Variants in CLNK observed in about 807,000 individuals in gnomAD.
CLNK encodes the protein cytokine-dependent hematopoietic cell linker.
In CLNK, 74 loss-of-function variants were observed where a neutral mutation model predicts 68.6. The ratio of observed to expected loss-of-function variants is 1.08; its 90% CI spans 0.89 to 1.31. The LOEUF is 1.31. Among genes scored for constraint, CLNK ranks in the 50% most tolerant of loss-of-function variants. The pLI, the probability that CLNK is intolerant of heterozygous loss-of-function variation, is 0.00. For missense variants in CLNK, 553 were observed against 515.3 expected, an observed-to-expected ratio of 1.07 and a Z score of -0.71; for synonymous variants, 198 against 172.2, an observed-to-expected ratio of 1.15 and a Z score of -1.17.
chr4:10,587,728 G>T (rs746887090), intron 3 of CLNK, among the ~76,000 whole-genome samples: 11 of 152,126 alleles, frequency 7.2e-5, no homozygotes, highest in Non-Finnish European at 1.5e-4. Context: ...AGGAAATAGG[G>T]TATTCAGAGG....
intron 2 of CLNK, among the ~76,000 whole-genome samples, chr4:10,617,610 A>G (rs1445179794): frequency 6.6e-6 from 1 of 152,248 alleles, no homozygotes; most frequent in African/African-American, 2.4e-5. Context: ...TGCTCAGAAC[A>G]TTAAAAATAA....
intron 13 of CLNK, among the ~76,000 whole-genome samples, 153 bp from the exon 14 acceptor site, chr4:10,526,075 A>G (rs1718307049): frequency 6.6e-6 from 1 of 152,206 alleles, no homozygotes; most frequent in South Asian, 2.1e-4. Context: ...TAACTCATGT[A>G]TTCTACGGCT....
upstream of CLNK, among the ~76,000 whole-genome samples, chr4:10,686,449 T>C: frequency 6.6e-6 from 1 of 151,786 alleles, no homozygotes; most frequent in Admixed American, 6.6e-5. Flanking sequence ...TCTAAGATTA[T>C]CACACTCATG....
At chr4:10,599,277 T>C (rs545184782) in intron 2 of CLNK, among the ~76,000 whole-genome samples, 71 of 152,308 alleles carry the variant, frequency 4.7e-4, no homozygotes, top group African/African-American at 1.6e-3. Context: ...CAGGAAATAC[T>C]TTATGATGAC....
chr4:10,729,521 G>A, the CLNK span, among the ~76,000 whole-genome samples: 3 of 152,066 alleles, frequency 2.0e-5, no homozygotes, highest in African/African-American at 7.2e-5. Flanking sequence ...TGTCCATCAA[G>A]GGATAAATAA....
At chr4:10,611,059 C>T (rs1461899212) in intron 2 of CLNK, among the ~76,000 whole-genome samples, 1 of 152,102 alleles carries the variant, frequency 6.6e-6, no homozygotes, top group African/African-American at 2.4e-5. Context: ...GTGGCTCACG[C>T]CTGTAATCCC....
the CLNK span, among the ~76,000 whole-genome samples, chr4:10,703,232 C>T: frequency 2.0e-5 from 3 of 152,128 alleles, no homozygotes; most frequent in African/African-American, 4.8e-5. Flanking sequence ...ACTACACTAA[C>T]GTAGTTATGA....
intron 11 of CLNK, among the ~76,000 whole-genome samples, chr4:10,539,178 T>G (rs1171364568): frequency 6.6e-6 from 1 of 152,212 alleles, no homozygotes; most frequent in East Asian, 1.9e-4. Flanking sequence ...GAGCCTCTAT[T>G]CCTTCCCATG....
At chr4:10,507,556 C>T (rs1195144212) in intron 17 of CLNK, among the ~76,000 whole-genome samples, 1 of 152,042 alleles carries the variant, frequency 6.6e-6, no homozygotes, top group African/African-American at 2.4e-5. Context: ...CTCCGCCTCC[C>T]AGGTTCAAGT....
chr4:10,601,450 G>A (rs1721588427), intron 2 of CLNK, among the ~76,000 whole-genome samples: 1 of 152,178 alleles, frequency 6.6e-6, no homozygotes, highest in Admixed American at 6.5e-5. Flanking sequence ...CTTACAAAGA[G>A]CAACAAGCAT....
In CLNK at chr4:10,501,344, AAC is replaced by A; in HGVS notation, c.1050_1051del (p.Phe351LeufsTer2). On this transcript the variant is annotated frameshift_variant, in exon 18 of 19. Transcript: ENST00000226951. LOFTEE classifies it high-confidence loss of function. Reference sequence around the variant, plus strand: ...TACATTGTAGACTTTGTTCTCATAAAACACAGCCAAAACATAGGGCTCTTCCT... The same window carrying A: ...TACATTGTAGACTTTGTTCTCATAAAACAGCCAAAACATAGGGCTCTTCCT... The A allele has an allele frequency of 6.2e-7, 1 of 1,609,846 alleles. No homozygotes were observed. The highest frequency in any genetic ancestry group is 8.5e-7 in the Non-Finnish European group (1 of 1,178,822).
intron 4 of CLNK, among the ~76,000 whole-genome samples, chr4:10,581,587 T>C: frequency 6.6e-6 from 1 of 152,196 alleles, no homozygotes; most frequent in East Asian, 1.9e-4. Flanking sequence ...TGTTCTCTAG[T>C]TCTTAATTTC....
Position 10,542,002 on chromosome 4 carries a change from G to T in CLNK, c.491+20C>A, listed in dbSNP as rs772448170. On this transcript the variant is annotated intron_variant, in intron 10 of 18. Coordinates refer to ENST00000226951, the MANE Select transcript of CLNK (RefSeq NM_052964.4). ...ATTTCATTGTATAGCGAAAAAAAAT[G>T]CTATTTTAAAGTGTTTTACCGAGGA... is the stretch of plus-strand genomic sequence containing the variant. 1 of 1,533,082 alleles carries T rather than the reference G, an allele frequency of 6.5e-7. No homozygotes were observed. Among genetic ancestry groups the T allele is most frequent in the East Asian group, 2.3e-5 (1 of 43,742 alleles). 95.0% of individuals were successfully genotyped at this position (1,533,082 alleles called of 1,614,324 possible).
At chr4:10,719,616 G>A in the CLNK span, among the ~76,000 whole-genome samples, 1 of 152,120 alleles carries the variant, frequency 6.6e-6, no homozygotes. Context: ...ATTCACAATT[G>A]CAGATGGAGA....
chr4:10,679,900 C>G (rs1342791438), intron 1 of CLNK, among the ~76,000 whole-genome samples: 1 of 152,098 alleles, frequency 6.6e-6, no homozygotes, highest in Non-Finnish European at 1.5e-5. Context: ...GAAATAGGAA[C>G]ACTTTTACAC....
At chr4:10,522,257 CAAAAAAAA>C in intron 14 of CLNK, among the ~76,000 whole-genome samples, 1 of 121,016 alleles carries the variant, frequency 8.3e-6, no homozygotes, top group East Asian at 2.4e-4. Flanking sequence ...GACTCTGTCT[CAAAAAAAA>C]AAAAAAAAAG....
At chr4:10,553,448 T>A (rs1038529660) in intron 8 of CLNK, among the ~76,000 whole-genome samples, 2 of 145,768 alleles carry the variant, frequency 1.4e-5, no homozygotes, top group Non-Finnish European at 3.0e-5. Context: ...TTATTTATTT[T>A]TTTATTTTAT....
chr4:10,522,689 A>T (rs1286060387), intron 14 of CLNK, among the ~76,000 whole-genome samples: 1 of 152,212 alleles, frequency 6.6e-6, no homozygotes, highest in Non-Finnish European at 1.5e-5. Context: ...AATAAAGAAG[A>T]CATGGCCTCT....
At chr4:10,720,709 A>G in the CLNK span, among the ~76,000 whole-genome samples, 4 of 101,590 alleles carry the variant, frequency 3.9e-5, no homozygotes, top group African/African-American at 5.9e-5. Context: ...CCAAATGCTG[A>G]CAAGGATATG....
Sources: gnomAD v4.1 joint callset for allele counts (sites outside exome capture counted in the v4.1 genomes callset) on GRCh38, gnomAD v4.1.1 for gene constraint, MANE v1.5 for transcripts, NCBI Gene and HGNC (gene_info 2026-07-23, HGNC 2026-07-21) for gene names.